Variants in SMOX observed in about 807,000 individuals in gnomAD.
SMOX encodes the protein spermine oxidase.
In SMOX, 22 loss-of-function variants were observed where a neutral mutation model predicts 51.0. The ratio of observed to expected loss-of-function variants is 0.43; its 90% CI spans 0.31 to 0.62. SMOX has a LOEUF of 0.62. SMOX is among the 20% of genes least tolerant of loss of function. The probability of loss-of-function intolerance (pLI) is 0.10; values close to 1 mark genes in which losing one functional copy is unlikely to be tolerated. For missense variants in SMOX, 566 were observed against 777.7 expected, an observed-to-expected ratio of 0.73 and a Z score of 3.24; for synonymous variants, 282 against 307.8, an observed-to-expected ratio of 0.92 and a Z score of 0.88.
In SMOX at chr20:4,182,149, G is replaced by T; in HGVS notation, c.670G>T (p.Glu224Ter). ...CGAGGTGTCCCTGAGCGCCTTCGGG[G>T]AGTGGACCGAGATCCCCGGCGCTCA... ...MDEVSLSAFG[E>*]WTEIPGAHHI... Residue 224 changes from glutamate to a stop codon, truncating the protein, a stop_gained, in exon 5 of 7, where the codon GAG becomes TAG. Transcript: ENST00000305958. LOFTEE classifies it high-confidence loss of function. This position sits in a 1 kb window ranked among gnomAD's most constrained non-coding sequence, Gnocchi z 8.4. 1 of 1,612,564 alleles carries T rather than the reference G, an allele frequency of 6.2e-7. No homozygotes were observed. The highest frequency in any genetic ancestry group is 1.1e-5 in the South Asian group (1 of 90,992).
chr20:4,172,251 AG>A lies in SMOX; in HGVS notation c.-26-2776del. Among the ~76,000 whole-genome samples, 1 of 152,294 alleles carries A rather than the reference AG, an allele frequency of 6.6e-6. No individual in the cohort carries two copies. Among genetic ancestry groups the A allele is most frequent in the South Asian group, 2.1e-4 (1 of 4,826 alleles). On this transcript the variant is annotated intron_variant, in intron 1 of 6. Transcript: ENST00000305958. This position sits in a 1 kb window ranked among gnomAD's most constrained non-coding sequence, Gnocchi z 7.7. The stretch of plus-strand genomic sequence containing the variant: ...GCGGGTTGCGGCGCCACGTCAGTCC[AG>A]GGTGCCCAGGGTGGCGGCGTCCCCG...
At chr20:4,162,210 C>T (rs1434882773) in intron 1 of SMOX, among the ~76,000 whole-genome samples, 6 of 152,192 alleles carry the variant, frequency 3.9e-5, no homozygotes, top group African/African-American at 1.4e-4. Flanking sequence ...GAGGTGTGTT[C>T]TCCCCACCTG....
At chr20:4,176,722 G>C (rs571282753) in intron 2 of SMOX, among the ~76,000 whole-genome samples, 32 of 152,262 alleles carry the variant, frequency 2.1e-4, no homozygotes, top group African/African-American at 7.7e-4. Context: ...CTAGTTCCCA[G>C]GCCATCCCAA....
Position 4,177,114 on chromosome 20 carries a change from G to A in SMOX, c.209-237G>A, listed in dbSNP as rs939757376. ...AGAGCCTTCTAACTGGTCCAGTAAGGCCACTCTGGGACAAATCACAGAGTC... is the reference window on the plus strand; with the variant it reads ...AGAGCCTTCTAACTGGTCCAGTAAGACCACTCTGGGACAAATCACAGAGTC... On this transcript the variant is annotated intron_variant, in intron 2 of 6. Transcript: ENST00000305958. The surrounding 1 kb of genome is among the most constrained non-coding windows in gnomAD (Gnocchi z 4.3). 5.9e-5 allele frequency among the ~76,000 whole-genome samples: 9 copies of A among 152,170 alleles called. No homozygotes were observed. Among genetic ancestry groups the A allele is most frequent in the African/African-American group, 1.9e-4 (8 of 41,436 alleles).
rs1434007752 is a variant in SMOX, at chr20:4,177,970, C to T, written c.435+393C>T. ...CCTTCGCTCTGCAGTGTGGTAGTCA[C>T]TAGCCACATTTGGCTCTTGAGCACT... On this transcript the variant is annotated intron_variant, in intron 3 of 6. Coordinates refer to ENST00000305958, the MANE Select transcript of SMOX (RefSeq NM_175839.3). This position sits in a 1 kb window ranked among gnomAD's most constrained non-coding sequence, Gnocchi z 4.3. 2.6e-5 allele frequency among the ~76,000 whole-genome samples: 4 copies of T among 152,178 alleles called. No individual in the cohort carries two copies. The highest frequency in any genetic ancestry group is 2.0e-4 in the Admixed American group (3 of 15,288).
chr20:4,172,795 G>C lies in SMOX; in HGVS notation c.-26-2235G>C. On this transcript the variant is annotated intron_variant, in intron 1 of 6. Coordinates refer to ENST00000305958, the MANE Select transcript of SMOX (RefSeq NM_175839.3). The surrounding 1 kb of genome is among the most constrained non-coding windows in gnomAD (Gnocchi z 7.7). ...ACTTGGAGGGATTTTAGGGGCTGGAGGGTGGGTGGGTGGGAGGGGGGGTGG... is the reference window on the plus strand; with the variant it reads ...ACTTGGAGGGATTTTAGGGGCTGGACGGTGGGTGGGTGGGAGGGGGGGTGG... Among the ~76,000 whole-genome samples the C allele has an allele frequency of 7.2e-6, 1 of 138,766 alleles. No individual in the cohort carries two copies. The highest frequency in any genetic ancestry group is 2.6e-4 in the East Asian group (1 of 3,790). The allele number at this position is 138,766 out of a possible 152,430, so 91.0% of individuals were successfully genotyped here.
At chr20:4,155,202 G>A (rs1765003) in intron 1 of SMOX, among the ~76,000 whole-genome samples, 45,300 of 152,010 alleles carry the variant, frequency 0.3, 9,566 homozygotes, top group African/African-American at 0.59. Flanking sequence ...CAGCTGATCC[G>A]GCCCTCTAGC....
chr20:4,155,074 A>C (rs557658401), intron 1 of SMOX, among the ~76,000 whole-genome samples: 2 of 152,120 alleles, frequency 1.3e-5, no homozygotes, highest in Admixed American at 1.3e-4. Flanking sequence ...GCAGGGTGAC[A>C]TGCAGACAGC....
rs747664698 is a variant in SMOX, at chr20:4,170,464, T to C, written c.-26-4566T>C. Among the ~76,000 whole-genome samples the C allele has an allele frequency of 2.0e-5, 3 of 152,084 alleles. No individual in the cohort carries two copies. Among genetic ancestry groups the C allele is most frequent in the Non-Finnish European group, 4.4e-5 (3 of 68,034 alleles). ...TAGAAGGTACTTGCTGGAGTGTAAA[T>C]TTCTTCACTTTTTTTTTTCTGAGAC... On this transcript the variant is annotated intron_variant, in intron 1 of 6. Transcript: ENST00000305958. The surrounding 1 kb of genome is among the most constrained non-coding windows in gnomAD (Gnocchi z 4.6).
chr20:4,187,624 C>T lies in SMOX; in HGVS notation c.*217C>T. On this transcript the variant is annotated 3_prime_UTR_variant, in exon 7 of 7. Transcript: ENST00000305958. This position sits in a 1 kb window ranked among gnomAD's most constrained non-coding sequence, Gnocchi z 4.8. ...CCGTTGAGTTACCTCTGTGCTGGAT[C>T]CCGTGCCCCCACTTGCCTACCCTCT... is the stretch of plus-strand genomic sequence containing the variant. 1.7e-6 allele frequency: 1 copy of T among 582,714 alleles called. No individual in the cohort carries two copies. The highest frequency in any genetic ancestry group is 2.9e-6 in the Non-Finnish European group (1 of 343,872). The allele number at this position is 582,714 out of a possible 1,614,324, so 36.1% of individuals were successfully genotyped here.
intron 1 of SMOX, among the ~76,000 whole-genome samples, chr20:4,157,566 C>T (rs1183117296): frequency 2.6e-5 from 4 of 152,020 alleles, no homozygotes; most frequent in African/African-American, 7.2e-5. Flanking sequence ...AAGTGGCCTG[C>T]GGGCAGGGAG....
At chr20:4,155,565 G>A (rs951944307) in intron 1 of SMOX, among the ~76,000 whole-genome samples, 5 of 152,130 alleles carry the variant, frequency 3.3e-5, no homozygotes, top group Non-Finnish European at 7.4e-5. Context: ...GCTGGGTGGG[G>A]CATTGCCTCT....
At chr20:4,154,925 T>C (rs1183924015) in intron 1 of SMOX, among the ~76,000 whole-genome samples, 1 of 151,984 alleles carries the variant, frequency 6.6e-6, no homozygotes, top group East Asian at 1.9e-4. Context: ...CAGGGGCCAC[T>C]CTGCTGGGAG....
At position 4,183,373 on chromosome 20, in the gene SMOX, CT is replaced by C; in HGVS notation, c.1370-120del. On this transcript the variant is annotated intron_variant, in intron 5 of 6. Transcript: ENST00000305958. This position sits in a 1 kb window ranked among gnomAD's most constrained non-coding sequence, Gnocchi z 4.3. ...CCTCTTCTATCCTCCGTGCCTACCC[CT>C]GGCAGTCTGGTCCTCCCGGAGCCCT... The C allele has an allele frequency of 6.9e-7, 1 of 1,448,602 alleles. No homozygotes were observed. The highest frequency in any genetic ancestry group is 1.4e-5 in the African/African-American group (1 of 71,858). 89.7% of individuals were successfully genotyped at this position (1,448,602 alleles called of 1,614,324 possible).
chr20:4,156,781 C>A (rs573142010), intron 1 of SMOX, among the ~76,000 whole-genome samples: 2 of 152,292 alleles, frequency 1.3e-5, no homozygotes, highest in Non-Finnish European at 1.5e-5. Flanking sequence ...CTCACTCTGT[C>A]ACGCAGGCTG....
chr20:4,183,288 T>A lies in SMOX; in HGVS notation c.1370-206T>A. ...ATAGGAAAAGTAAGGTGGAGCGTTT[T>A]GCCGGGGGTCACAGGAGGCGCTGAG... On this transcript the variant is annotated intron_variant, in intron 5 of 6. Coordinates refer to ENST00000305958, the MANE Select transcript of SMOX (RefSeq NM_175839.3). This position sits in a 1 kb window ranked among gnomAD's most constrained non-coding sequence, Gnocchi z 4.3. The A allele has an allele frequency of 1.5e-6, 1 of 648,998 alleles. No individual in the cohort carries two copies. Among genetic ancestry groups the A allele is most frequent in the South Asian group, 1.9e-5 (1 of 52,758 alleles). The allele number at this position is 648,998 out of a possible 1,614,324, so 40.2% of individuals were successfully genotyped here. A position where few individuals can be genotyped will look rare whatever the true frequency, so the allele number is the denominator to read the frequency against.
intron 1 of SMOX, among the ~76,000 whole-genome samples, chr20:4,161,046 T>C (rs1191914649): frequency 6.6e-6 from 1 of 152,162 alleles, no homozygotes; most frequent in Non-Finnish European, 1.5e-5. Flanking sequence ...TTCTTGTAAG[T>C]GGTTTTGAAA....
At chr20:4,176,726 A>C (rs976412103) in intron 2 of SMOX, among the ~76,000 whole-genome samples, 1 of 152,170 alleles carries the variant, frequency 6.6e-6, no homozygotes, top group African/African-American at 2.4e-5. Context: ...TTCCCAGGCC[A>C]TCCCAACTTG....
In SMOX at chr20:4,183,510, A is replaced by G. The variant is rs112619703; in HGVS notation, c.1386A>G (p.Pro462=). 1 of 1,614,190 alleles carries G rather than the reference A, an allele frequency of 6.2e-7. No individual in the cohort carries two copies. Among genetic ancestry groups the G allele is most frequent in the Non-Finnish European group, 8.5e-7 (1 of 1,180,034 alleles). Residue 462 remains proline (P), a synonymous_variant, in exon 6 of 7, where the codon CCA becomes CCG. Coordinates refer to ENST00000305958, the MANE Select transcript of SMOX (RefSeq NM_175839.3). The surrounding 1 kb of genome is among the most constrained non-coding windows in gnomAD (Gnocchi z 4.3). ...LRQFTGNPNI[P]KPRRILRSAW... The stretch of plus-strand genomic sequence containing the variant: ...CTCCATCAGGGAACCCCAACATTCC[A>G]AAACCTCGGCGAATCTTGCGCTCGG...
Sources: gnomAD v4.1 joint callset for allele counts (sites outside exome capture counted in the v4.1 genomes callset) on GRCh38, gnomAD v4.1.1 for gene constraint, Gnocchi (gnomAD v3.1) non-coding constraint, MANE v1.5 for transcripts, NCBI Gene and HGNC (gene_info 2026-07-23, HGNC 2026-07-21) for gene names.